ABCA3: variants seen among roughly 807,000 people sequenced by gnomAD.
The protein encoded by ABCA3 is ATP binding cassette subfamily A member 3.
ABCA3 carries 88 observed loss-of-function variants against 172.8 expected under a neutral mutation model. That is an observed-to-expected ratio of 0.51 (90% CI 0.43 to 0.61). The LOEUF is 0.61. ABCA3 is among the 20% of genes least tolerant of loss of function. The probability of loss-of-function intolerance (pLI) is 0.00; values close to 1 mark genes in which losing one functional copy is unlikely to be tolerated. For synonymous variants in ABCA3, 1,066 were observed against 983.8 expected (o/e 1.08, Z -1.56); for missense variants, 2,164 against 2,301.0 (o/e 0.94, Z 1.22).
At chr16:2,308,116 G>A (rs143137234) in intron 11 of ABCA3, among the ~76,000 whole-genome samples, 69 of 152,292 alleles carry the variant, frequency 4.5e-4, no homozygotes, top group Admixed American at 4.2e-3. Flanking sequence ...TCAGGTCACC[G>A]ACTTAGATCC....
At position 2,279,046 on chromosome 16, in the gene ABCA3, G is replaced by A. The variant is rs892042868; in HGVS notation, c.4444C>T (p.Arg1482Trp). ...TGGCGCTCAGGGATGCCCCGGAGCC[G>A]AGCGTACATGACCAGCATCTCCCGG... is the stretch of plus-strand genomic sequence containing the variant. ...TGREMLVMYA[R>W]LRGIPERHIG... Residue 1482 changes from arginine (R) to tryptophan (W), a missense_variant, in exon 29 of 33, where the codon CGG becomes TGG. Transcript: ENST00000301732. This position sits in a 1 kb window ranked among gnomAD's most constrained non-coding sequence, Gnocchi z 4.4. The A allele has an allele frequency of 5.0e-6, 8 of 1,613,396 alleles. No homozygotes were observed. Among genetic ancestry groups the A allele is most frequent in the Non-Finnish European group, 5.9e-6 (7 of 1,180,032 alleles).
chr16:2,303,043 C>T (rs1216920206), intron 12 of ABCA3, among the ~76,000 whole-genome samples: 3 of 151,116 alleles, frequency 2.0e-5, no homozygotes. Flanking sequence ...AGGTGATCCA[C>T]CCATCTTGGC....
At chr16:2,300,752 A>T (rs922952667) in intron 12 of ABCA3, among the ~76,000 whole-genome samples, 1 of 152,198 alleles carries the variant, frequency 6.6e-6, no homozygotes, top group African/African-American at 2.4e-5. Context: ...GTGCGGGCAG[A>T]GCAGCAGGGA....
intron 18 of ABCA3, among the ~76,000 whole-genome samples, chr16:2,294,381 T>G (rs760866144): frequency 6.6e-6 from 1 of 152,044 alleles, no homozygotes; most frequent in Non-Finnish European, 1.5e-5. Flanking sequence ...GAAAGGATGT[T>G]GCTACATTAA....
chr16:2,339,376 T>C (rs914565779), intron 1 of ABCA3: 3 of 152,322 alleles, frequency 2.0e-5, no homozygotes, highest in African/African-American at 4.8e-5. Flanking sequence ...GTTTTTCAGG[T>C]AGAGTTAGCA....
At chr16:2,288,424 A>G in intron 20 of ABCA3, 95 bp from the exon 21 acceptor site, 1 of 1,394,454 alleles carries the variant, frequency 7.2e-7, no homozygotes, top group Non-Finnish European at 9.6e-7. Flanking sequence ...GTGTGACGCC[A>G]GCCTGGGGGC....
At position 2,317,284 on chromosome 16, in the gene ABCA3, T is replaced by A; in HGVS notation, c.1110A>T (p.Lys370Asn). The A allele has an allele frequency of 6.2e-7, 1 of 1,613,922 alleles. No individual in the cohort carries two copies. The highest frequency in any genetic ancestry group is 8.5e-7 in the Non-Finnish European group (1 of 1,179,964). The change falls in exon 10 of 33, where the codon AAA becomes AAT. Residue 370 changes from lysine (K) to asparagine (N), a missense_variant and splice_region_variant. Lys to Asn is a moderately conservative substitution (Grantham distance 94). Coordinates refer to ENST00000301732, the MANE Select transcript of ABCA3 (RefSeq NM_001089.3). ...FSFMVSTFFSKANMAAAFGGF... is the reference protein window; with the variant it reads ...FSFMVSTFFSNANMAAAFGGF... Reference sequence around the variant, plus strand: ...CTCTGCCCCATGACTGGGGCTCACCTTTGCTGAAGAAGGTGCTGACCATGA... The same window carrying A: ...CTCTGCCCCATGACTGGGGCTCACCATTGCTGAAGAAGGTGCTGACCATGA...
Position 2,297,420 on chromosome 16 carries a change from G to A in ABCA3, c.2172C>T (p.Asp724=), listed in dbSNP as rs200855390. ...TGCGGTCTCCCAGCAGGTCAGCCTC[G>A]TCCATGAAGTGGGTGGTCAGCACGA... is the stretch of plus-strand genomic sequence containing the variant. The part of the protein sequence containing the change: ...RTIVLTTHFM[D]EADLLGDRIA... Residue 724 remains aspartate (D), a synonymous_variant, in exon 17 of 33, where the codon GAC becomes GAT. Coordinates refer to ENST00000301732, the MANE Select transcript of ABCA3 (RefSeq NM_001089.3). This position sits in a 1 kb window ranked among gnomAD's most constrained non-coding sequence, Gnocchi z 5.6. 1.4e-5 allele frequency: 23 copies of A among 1,613,596 alleles called. No homozygotes were observed. The highest frequency in any genetic ancestry group is 1.8e-5 in the Non-Finnish European group (21 of 1,180,006).
Position 2,319,281 on chromosome 16 carries a change from T to C in ABCA3, c.873+300A>G, listed in dbSNP as rs575758598. On this transcript the variant is annotated intron_variant, in intron 8 of 32. Coordinates refer to ENST00000301732, the MANE Select transcript of ABCA3 (RefSeq NM_001089.3). The stretch of plus-strand genomic sequence containing the variant: ...CGGGCGGATCACAAGGTCAGGAGAT[T>C]GAGACCATCCTGGCTAACACGGTGA... Among the ~76,000 whole-genome samples, 95 of 152,086 alleles carry C rather than the reference T, an allele frequency of 6.2e-4. No homozygotes were observed. The South Asian group carries it at 1.0e-2, about 16-fold the overall frequency.
Position 2,279,775 on chromosome 16 carries a change from T to TTA in ABCA3, c.4360-646_4360-645insTA. On this transcript the variant is annotated intron_variant, in intron 28 of 32. Coordinates refer to ENST00000301732, the MANE Select transcript of ABCA3 (RefSeq NM_001089.3). The surrounding 1 kb of genome is among the most constrained non-coding windows in gnomAD (Gnocchi z 4.4). ...TTTTTTTTTTGAGACAGAGTCTTACTCTGTCTCCCTTACACTGGTAGAGCG... is the reference window on the plus strand; with the variant it reads ...TTTTTTTTTTGAGACAGAGTCTTACTTACTGTCTCCCTTACACTGGTAGAGCG... Among the ~76,000 whole-genome samples, 1 of 150,956 alleles carries TTA rather than the reference T, an allele frequency of 6.6e-6. No homozygotes were observed. The highest frequency in any genetic ancestry group is 3.4e-3 in the Middle Eastern group (1 of 292).
intron 14 of ABCA3, among the ~76,000 whole-genome samples, 162 bp downstream of exon 14, chr16:2,299,233 AGGGCAGTC>A (rs1406804653): frequency 1.3e-5 from 2 of 151,526 alleles, no homozygotes; most frequent in Admixed American, 1.3e-4. Flanking sequence ...GGCGGTGAGG[AGGGCAGTC>A]CCTGCTTGTG....
rs1368272155 is a variant in ABCA3 at position 2,279,534 on chromosome 16, G to A, written c.4360-404C>T. Among the ~76,000 whole-genome samples the A allele has an allele frequency of 6.6e-6, 1 of 152,188 alleles. No individual in the cohort carries two copies. Among genetic ancestry groups the A allele is most frequent in the Non-Finnish European group, 1.5e-5 (1 of 68,030 alleles). ...AAGAAGAAAGATTTGTGGGCACCAC[G>A]TTTGGGGTGAGTACTGCTTGGTCAG... On this transcript the variant is annotated intron_variant, in intron 28 of 32. Transcript: ENST00000301732. This position sits in a 1 kb window ranked among gnomAD's most constrained non-coding sequence, Gnocchi z 4.4.
At chr16:2,330,322 T>A (rs960827975) in intron 1 of ABCA3, among the ~76,000 whole-genome samples, 1 of 127,042 alleles carries the variant, frequency 7.9e-6, no homozygotes, top group African/African-American at 5.0e-5. Flanking sequence ...AAGCTCTATT[T>A]TTTTTTTTTT....
chr16:2,340,305 G>C (rs1163932915), intron 1 of ABCA3, among the ~76,000 whole-genome samples: 2 of 152,036 alleles, frequency 1.3e-5, no homozygotes. Context: ...ACTGCCCGCA[G>C]TGCGGGACAC....
At position 2,340,603 on chromosome 16, in the gene ABCA3, G is replaced by A. The variant is rs886051838; in HGVS notation, c.-569C>T. On this transcript the variant is annotated 5_prime_UTR_variant, in exon 1 of 33. Coordinates refer to ENST00000301732, the MANE Select transcript of ABCA3 (RefSeq NM_001089.3). ...CTGGGCGCCGGGGCGGCGGCGGCCGGCGCGCGGCCCTCTCGCGGGGTCCCC... is the reference window on the plus strand; with the variant it reads ...CTGGGCGCCGGGGCGGCGGCGGCCGACGCGCGGCCCTCTCGCGGGGTCCCC... 9.3e-4 allele frequency: 138 copies of A among 148,992 alleles called. No individual in the cohort carries two copies. The highest frequency in any genetic ancestry group is 3.1e-3 in the African/African-American group (127 of 41,202). 9.2% of individuals were successfully genotyped at this position (148,992 alleles called of 1,614,324 possible). A position where few individuals can be genotyped will look rare whatever the true frequency, so the allele number is the denominator to read the frequency against.
intron 6 of ABCA3, among the ~76,000 whole-genome samples, chr16:2,324,174 G>GC (rs1279929177): frequency 6.6e-6 from 1 of 152,214 alleles, no homozygotes; most frequent in African/African-American, 2.4e-5. Context: ...GCGGCCACAG[G>GC]CAGGTGCATT....
In ABCA3 at chr16:2,277,854, G is replaced by T; in HGVS notation, c.4909+25C>A. On this transcript the variant is annotated intron_variant, in intron 31 of 32. Transcript: ENST00000301732. This position sits in a 1 kb window ranked among gnomAD's most constrained non-coding sequence, Gnocchi z 5.3. ...GGTAGGGGCCCAGGGCCCACCCAGT[G>T]GGGGCTGCCGGGGCCGGCACACACC... is the stretch of plus-strand genomic sequence containing the variant. The T allele has an allele frequency of 3.1e-6, 5 of 1,607,494 alleles. No individual in the cohort carries two copies. Among genetic ancestry groups the T allele is most frequent in the Non-Finnish European group, 4.2e-6 (5 of 1,179,498 alleles).
chr16:2,276,646 T>G lies in ABCA3; in HGVS notation c.*28A>C. ...GGGCCCTGCTTGCCCGTCCTGTCCC[T>G]GCCTGATGGCGAGACAGCCGCCACC... On this transcript the variant is annotated 3_prime_UTR_variant, in exon 33 of 33. Coordinates refer to ENST00000301732, the MANE Select transcript of ABCA3 (RefSeq NM_001089.3). The G allele has an allele frequency of 6.2e-7, 1 of 1,611,218 alleles. No homozygotes were observed. Among genetic ancestry groups the G allele is most frequent in the East Asian group, 2.2e-5 (1 of 44,864 alleles).
At chr16:2,310,242 A>G (rs1444858386) in intron 10 of ABCA3, among the ~76,000 whole-genome samples, 1 of 146,876 alleles carries the variant, frequency 6.8e-6, no homozygotes, top group Non-Finnish European at 1.5e-5. Context: ...CGTCTCTACT[A>G]AAAATACAAA....
Sources: allele counts gnomAD v4.1 joint callset (sites outside exome capture counted in the v4.1 genomes callset), GRCh38; gene constraint gnomAD v4.1.1; non-coding constraint Gnocchi (gnomAD v3.1); transcripts MANE v1.5; gene names NCBI Gene and HGNC (gene_info 2026-07-23, HGNC 2026-07-21).